Variants in RGS3 observed in about 807,000 individuals in gnomAD.
RGS3 encodes the protein regulator of G-protein signalling 3.
Under a neutral mutation model 132.6 loss-of-function variants are expected in RGS3, and 80 were observed. The ratio of observed to expected loss-of-function variants is 0.60; its 90% CI spans 0.50 to 0.73. RGS3 has a LOEUF of 0.73. RGS3 is among the 30% of genes least tolerant of loss of function. The probability of loss-of-function intolerance (pLI) is 0.00; values close to 1 mark genes in which losing one functional copy is unlikely to be tolerated. For synonymous variants in RGS3, 598 were observed against 620.6 expected, an observed-to-expected ratio of 0.96 and a Z score of 0.54; for missense variants, 1,382 against 1,530.8, an observed-to-expected ratio of 0.90 and a Z score of 1.62.
intron 19 of RGS3, among the ~76,000 whole-genome samples, chr9:113,561,303 G>A (rs1833770447): frequency 6.6e-6 from 1 of 151,764 alleles, no homozygotes; most frequent in African/African-American, 2.4e-5. Flanking sequence ...GGGATTACAG[G>A]TGTGAGCCAC....
chr9:113,483,760 T>C (rs776658822), intron 5 of RGS3, among the ~76,000 whole-genome samples: 7 of 152,204 alleles, frequency 4.6e-5, no homozygotes, highest in African/African-American at 1.2e-4. Context: ...TGGCAGAGGC[T>C]GACCTGGAGC....
At chr9:113,544,386 C>T (rs1000948953) in intron 19 of RGS3, among the ~76,000 whole-genome samples, 1 of 151,124 alleles carries the variant, frequency 6.6e-6, no homozygotes, top group Admixed American at 6.6e-5. Context: ...GCCTGGATCT[C>T]TGCTGGCCTG....
At chr9:113,485,291 G>A (rs972745340) in intron 6 of RGS3, among the ~76,000 whole-genome samples, 5 of 151,962 alleles carry the variant, frequency 3.3e-5, no homozygotes, top group African/African-American at 9.7e-5. Flanking sequence ...GGGTTTCACC[G>A]TGTTAGCCAG....
At chr9:113,461,690 G>C (rs759789749) in intron 1 of RGS3, 3 of 1,608,794 alleles carry the variant, frequency 1.9e-6, no homozygotes, top group South Asian at 2.2e-5. Flanking sequence ...TGTGGGCCTC[G>C]GTCTTTTCTC....
In RGS3 at chr9:113,545,006, C is replaced by T. The variant is rs183022053; in HGVS notation, c.2037+8088C>T. ...AGAATAAACTTCCAGAATGCATTTT[C>T]CTGAGGGTGGCACAGGCTGAAAAGA... On this transcript the variant is annotated intron_variant, in intron 19 of 24. Transcript: ENST00000350696. Among the ~76,000 whole-genome samples, 5 of 152,224 alleles carry T rather than the reference C, an allele frequency of 3.3e-5. No homozygotes were observed. The South Asian group carries it at 8.3e-4, about 25-fold the overall frequency.
intron 14 of RGS3, among the ~76,000 whole-genome samples, chr9:113,511,272 G>C (rs1324636823): frequency 6.6e-6 from 1 of 152,160 alleles, no homozygotes; most frequent in Non-Finnish European, 1.5e-5. Flanking sequence ...TACTGTATTT[G>C]GTCGGTGAAG....
rs140475116 is a variant in RGS3, at chr9:113,568,168, A to G, written c.2038-15282A>G. Among the ~76,000 whole-genome samples the G allele has an allele frequency of 7.9e-5, 12 of 152,382 alleles. No individual in the cohort carries two copies. The East Asian group carries it at 2.3e-3, about 29-fold the overall frequency. On this transcript the variant is annotated intron_variant, in intron 19 of 24. Coordinates refer to ENST00000350696, the Ensembl canonical transcript of RGS3. ...TGCGACTCAGCAGGAAATCAGGGACAAGAACTCAGGTTCCCCTGCCCAGGC... is the reference window on the plus strand; with the variant it reads ...TGCGACTCAGCAGGAAATCAGGGACGAGAACTCAGGTTCCCCTGCCCAGGC...
At chr9:113,492,350 A>T (rs1588156643) in intron 7 of RGS3, among the ~76,000 whole-genome samples, 1 of 152,148 alleles carries the variant, frequency 6.6e-6, no homozygotes, top group South Asian at 2.1e-4. Flanking sequence ...CCAGCCTGTG[A>T]GCCCTAAACT....
At chr9:113,567,186 C>G (rs1373192779) in intron 19 of RGS3, among the ~76,000 whole-genome samples, 1 of 152,206 alleles carries the variant, frequency 6.6e-6, no homozygotes, top group Non-Finnish European at 1.5e-5. Flanking sequence ...GCTTCCTTGC[C>G]TTTGCAAATG....
In RGS3 at chr9:113,475,475, A is replaced by T. The variant is rs183624026; in HGVS notation, c.416-4016A>T. Among the ~76,000 whole-genome samples the T allele has an allele frequency of 1.4e-4, 21 of 152,246 alleles. No homozygotes were observed. The East Asian group carries it at 3.9e-3, about 28-fold the overall frequency. On this transcript the variant is annotated intron_variant, in intron 3 of 24. Coordinates refer to ENST00000350696, the Ensembl canonical transcript of RGS3. Reference sequence around the variant, plus strand: ...GGCTGGAGTACAGTCGTGCAATCATAGCTCACTACAACTTCAACCTCTTGG... The same window carrying T: ...GGCTGGAGTACAGTCGTGCAATCATTGCTCACTACAACTTCAACCTCTTGG...
At position 113,508,701 on chromosome 9, in the gene RGS3, C is replaced by T. The variant is rs1041296770; in HGVS notation, c.1477+121C>T. On this transcript the variant is annotated intron_variant, in intron 14 of 24. Coordinates refer to ENST00000350696, the Ensembl canonical transcript of RGS3. ...TTTCCAATGGAGTCAGGTCACTTAG[C>T]CTATCGACACAGACTCTCTTTCCAC... 58 of 896,244 alleles carry T rather than the reference C, an allele frequency of 6.5e-5. 1 individual carries two copies. The African/African-American group carries it at 7.2e-4, about 11-fold the overall frequency. 55.5% of individuals were successfully genotyped at this position (896,244 alleles called of 1,614,324 possible).
intron 19 of RGS3, among the ~76,000 whole-genome samples, chr9:113,548,988 G>A (rs1833224256): frequency 6.6e-6 from 1 of 152,194 alleles, no homozygotes; most frequent in Non-Finnish European, 1.5e-5. Context: ...CCTCTTGCTG[G>A]TGTCCCCTCC....
At chr9:113,595,073 G>T in intron 23 of RGS3, 93 bp downstream of exon 21, 1 of 1,211,664 alleles carries the variant, frequency 8.3e-7, no homozygotes, top group African/African-American at 1.5e-5. Flanking sequence ...TAGAGAGGCC[G>T]CCTTCCCTCT....
intron 19 of RGS3, among the ~76,000 whole-genome samples, chr9:113,553,465 T>TAAAAAA (rs1833439350): frequency 3.0e-5 from 1 of 33,810 alleles, no homozygotes; most frequent in African/African-American, 1.2e-4. Context: ...AAAAAATATA[T>TAAAAAA]ATATATATAT....
chr9:113,522,748 G>T, intron 16 of RGS3, 182 bp from the exon 15 acceptor site: 1 of 608,396 alleles, frequency 1.6e-6, no homozygotes, highest in Non-Finnish European at 3.0e-6. Context: ...GGGCCATCTT[G>T]ACTGCAGGTC....
At chr9:113,497,886 G>GA in intron 9 of RGS3, 139 bp from the exon 8 acceptor site, 1 of 749,464 alleles carries the variant, frequency 1.3e-6, no homozygotes, top group Non-Finnish European at 2.3e-6. Context: ...TGAGCCTCAG[G>GA]TGTCCCCACA....
intron 19 of RGS3, among the ~76,000 whole-genome samples, chr9:113,539,159 C>T (rs1418878474): frequency 6.6e-6 from 1 of 152,234 alleles, no homozygotes; most frequent in Non-Finnish European, 1.5e-5. Context: ...TGTCCACTTG[C>T]GCTCAGTTCC....
intron 3 of RGS3, among the ~76,000 whole-genome samples, chr9:113,464,311 G>C (rs901508915): frequency 1.3e-5 from 2 of 152,258 alleles, no homozygotes; most frequent in African/African-American, 4.8e-5. Context: ...CTGCTGCCTT[G>C]TGGGGAGGCT....
exon 25 of RGS3, chr9:113,596,807 A>C: frequency 6.2e-7 from 1 of 1,613,394 alleles, no homozygotes. Flanking sequence ...CACCAAGGAC[A>C]ACCTGCAGAG....
Sources: allele counts gnomAD v4.1 joint callset (sites outside exome capture counted in the v4.1 genomes callset), GRCh38; gene constraint gnomAD v4.1.1; transcripts MANE v1.5; gene names NCBI Gene and HGNC (gene_info 2026-07-23, HGNC 2026-07-21).